The following ANKRD17 variants were observed in gnomAD, a reference collection of about 807,000 sequenced individuals.
The protein encoded by ANKRD17 is ankyrin repeat domain-containing protein 17.
ANKRD17 carries 19 observed loss-of-function variants against 229.7 expected under a neutral mutation model. That is an observed-to-expected ratio of 0.08 (90% CI 0.06 to 0.12). The LOEUF is 0.12. ANKRD17 is among the 10% of genes least tolerant of loss of function. The probability of loss-of-function intolerance (pLI) is 1.00; values close to 1 mark genes in which losing one functional copy is unlikely to be tolerated. For missense variants in ANKRD17, 2,176 were observed against 3,176.8 expected (o/e 0.68, Z 7.57); for synonymous variants, 1,112 against 1,146.1 (o/e 0.97, Z 0.60).
Position 73,116,957 on chromosome 4 carries a change from G to A in ANKRD17, c.4189-1041C>T, listed in dbSNP as rs1026674932. ...AAATACATAAGAGTATAAAAGATAA[G>A]CACTGCTCAACTGAAGTCAATAAGT... On this transcript the variant is annotated intron_variant, in intron 22 of 33. Coordinates refer to ENST00000358602, the MANE Select transcript of ANKRD17 (RefSeq NM_032217.5). 2.0e-5 allele frequency among the ~76,000 whole-genome samples: 3 copies of A among 151,936 alleles called. No individual in the cohort carries two copies. In the East Asian group the frequency reaches 5.8e-4, roughly 29 times the overall value.
At chr4:73,108,910 A>T (rs1724965333) in intron 24 of ANKRD17, among the ~76,000 whole-genome samples, 2 of 152,206 alleles carry the variant, frequency 1.3e-5, no homozygotes, top group Admixed American at 6.5e-5. Context: ...AGAGAGGGAA[A>T]AAAATAGGAG....
At chr4:73,106,292 C>T (rs1202848582) in intron 24 of ANKRD17, among the ~76,000 whole-genome samples, 1 of 152,072 alleles carries the variant, frequency 6.6e-6, no homozygotes, top group Admixed American at 6.6e-5. Flanking sequence ...TGGGAAAGGG[C>T]ACTAACCCAA....
chr4:73,078,970 G>C (rs1721283729), intron 30 of ANKRD17, 80 bp from the exon 31 acceptor site: 1 of 1,416,362 alleles, frequency 7.1e-7, no homozygotes. Context: ...TTAAAACCAG[G>C]AGATGTTTTA....
In ANKRD17 at chr4:73,139,821, A is replaced by G; in HGVS notation, c.2795T>C (p.Val932Ala). Residue 932 changes from valine (V) to alanine (A), a missense_variant, in exon 15 of 34, where the codon GTG becomes GCG. Val to Ala is a moderately conservative substitution (Grantham distance 64). Around this residue, in one of 18 missense-constraint regions of ANKRD17, gnomAD observed 230 missense variants for 252.3 expected, o/e 0.91. Coordinates refer to ENST00000358602, the MANE Select transcript of ANKRD17 (RefSeq NM_032217.5). ...TTCATCTTTAAGTAAAACAGGATCCACTTGCTGTAACCGTGCATAGTCTCC... is the reference window on the plus strand; with the variant it reads ...TTCATCTTTAAGTAAAACAGGATCCGCTTGCTGTAACCGTGCATAGTCTCC... The part of the protein sequence containing the change: ...SEGDYARLQQ[V>A]DPVLLKDEPQ... 1 of 1,614,192 alleles carries G rather than the reference A, an allele frequency of 6.2e-7. No homozygotes were observed. The highest frequency in any genetic ancestry group is 8.5e-7 in the Non-Finnish European group (1 of 1,180,032).
At chr4:73,146,199 C>T (rs1316401922) in intron 10 of ANKRD17, among the ~76,000 whole-genome samples, 1 of 152,032 alleles carries the variant, frequency 6.6e-6, no homozygotes, top group Non-Finnish European at 1.5e-5. Flanking sequence ...AAACTTTAGC[C>T]ATCCCCAAAA....
intron 11 of ANKRD17, 117 bp from the exon 12 acceptor site, chr4:73,142,884 T>C (rs946938070): frequency 5.3e-5 from 59 of 1,115,154 alleles, no homozygotes; most frequent in Non-Finnish European, 3.9e-5. Flanking sequence ...CACATACCCA[T>C]TACCGAGCTT....
chr4:73,101,951 T>C (rs1280495318), intron 25 of ANKRD17, among the ~76,000 whole-genome samples: 1 of 151,978 alleles, frequency 6.6e-6, no homozygotes, highest in Non-Finnish European at 1.5e-5. Context: ...TTTTTTTTGA[T>C]AGAAGGTCTT....
chr4:73,197,493 T>C (rs2149092189), intron 1 of ANKRD17, among the ~76,000 whole-genome samples: 1 of 152,234 alleles, frequency 6.6e-6, no homozygotes, highest in South Asian at 2.1e-4. Flanking sequence ...TAAGACATAT[T>C]AAATTCCAAG....
chr4:73,137,219 G>T (rs1729019199), intron 15 of ANKRD17, among the ~76,000 whole-genome samples: 2 of 152,194 alleles, frequency 1.3e-5, no homozygotes, highest in East Asian at 3.9e-4. Context: ...TCATTTTAGT[G>T]TTAGATTTAG....
At chr4:73,189,578 A>C (rs980775309) in intron 1 of ANKRD17, among the ~76,000 whole-genome samples, 6 of 151,890 alleles carry the variant, frequency 4.0e-5, no homozygotes, top group African/African-American at 7.3e-5. Flanking sequence ...CCGCCCCCTC[A>C]GCCACCCAAA....
At chr4:73,174,282 T>A (rs960726566) in intron 2 of ANKRD17, among the ~76,000 whole-genome samples, 2 of 152,146 alleles carry the variant, frequency 1.3e-5, no homozygotes, top group Non-Finnish European at 2.9e-5. Context: ...GTTTAACACA[T>A]GCAAGTCAAT....
At chr4:73,215,795 A>C (rs902438180) in intron 1 of ANKRD17, among the ~76,000 whole-genome samples, 1 of 152,208 alleles carries the variant, frequency 6.6e-6, no homozygotes, top group African/African-American at 2.4e-5. Context: ...GATTATCCAC[A>C]ATTATCTGAA....
At chr4:73,235,180 C>T (rs1037617730) in intron 1 of ANKRD17, among the ~76,000 whole-genome samples, 4 of 152,150 alleles carry the variant, frequency 2.6e-5, no homozygotes. Context: ...GGAATGTATT[C>T]ATGTGCTTTG....
At chr4:73,172,007 G>A (rs1390472310) in intron 2 of ANKRD17, among the ~76,000 whole-genome samples, 1 of 152,044 alleles carries the variant, frequency 6.6e-6, no homozygotes, top group African/African-American at 2.4e-5. Context: ...AGTTTATAAG[G>A]TAAAGGTATA....
chr4:73,113,902 G>C lies in ANKRD17; in HGVS notation c.4291C>G (p.Leu1431Val). ...YIATITDKEMLKKCHLCMESI... is the reference protein window; with the variant it reads ...YIATITDKEMVKKCHLCMESI... ...TCCATACAAAGATGACACTTCTTCA[G>C]CATCTCCTATAATGAAAAATTAAGA... is the stretch of plus-strand genomic sequence containing the variant. The change falls in exon 24 of 34, where the codon CTG becomes GTG. Residue 1431 changes from leucine (L) to valine (V), a missense_variant. By Grantham distance (32) the Leu-to-Val change is conservative (BLOSUM62 1). Coordinates refer to ENST00000358602, the MANE Select transcript of ANKRD17 (RefSeq NM_032217.5). 2 of 1,605,686 alleles carry C rather than the reference G, an allele frequency of 1.2e-6. No individual in the cohort carries two copies. Among genetic ancestry groups the C allele is most frequent in the Non-Finnish European group, 1.7e-6 (2 of 1,173,702 alleles).
intron 1 of ANKRD17, among the ~76,000 whole-genome samples, chr4:73,206,991 T>G (rs938926644): frequency 2.0e-4 from 30 of 152,062 alleles, no homozygotes; most frequent in Admixed American, 2.0e-3. Context: ...GCCTGGCTAA[T>G]TTTTGTATTT....
In ANKRD17 at chr4:73,144,882, G is replaced by A. The variant is rs761156713; in HGVS notation, c.1870-50C>T. On this transcript the variant is annotated intron_variant, in intron 10 of 33. Transcript: ENST00000358602. The stretch of plus-strand genomic sequence containing the variant: ...TTGACATTTAATTGCCAGTGAACAA[G>A]TATTCTTTTTCATGGAAATCAAAAG... 10 of 1,305,968 alleles carry A rather than the reference G, an allele frequency of 7.7e-6. No homozygotes were observed. The Admixed American group carries it at 2.1e-4, about 27-fold the overall frequency. 80.9% of individuals were successfully genotyped at this position (1,305,968 alleles called of 1,614,324 possible). A position where few individuals can be genotyped will look rare whatever the true frequency, so the allele number is the denominator to read the frequency against.
chr4:73,099,933 T>C (rs920636830), intron 25 of ANKRD17, among the ~76,000 whole-genome samples: 6 of 152,112 alleles, frequency 3.9e-5, no homozygotes, highest in Non-Finnish European at 7.4e-5. Context: ...TGAGATGGGC[T>C]GGGGCCGCTC....
At position 73,256,692 on chromosome 4, in the gene ANKRD17, A is replaced by G. The variant is rs2149294690; in HGVS notation, c.393+1584T>C. On this transcript the variant is annotated intron_variant, in intron 1 of 33. Coordinates refer to ENST00000358602, the MANE Select transcript of ANKRD17 (RefSeq NM_032217.5). The stretch of plus-strand genomic sequence containing the variant: ...ATACAATTGAATGATTCTAAGTACC[A>G]TAACAAATTTTATTAGGGATAAGGA... Among the ~76,000 whole-genome samples the G allele has an allele frequency of 1.3e-5, 2 of 152,324 alleles. 1 individual carries two copies. Among genetic ancestry groups the G allele is most frequent in the South Asian group, 4.1e-4 (2 of 4,828 alleles).
Sources: gnomAD v4.1 joint callset for allele counts (sites outside exome capture counted in the v4.1 genomes callset) on GRCh38, gnomAD v4.1.1 for gene constraint, gnomAD v4.1.1 regional missense constraint, MANE v1.5 for transcripts, NCBI Gene and HGNC (gene_info 2026-07-23, HGNC 2026-07-21) for gene names.